The following SEPTIN11 variants were observed in gnomAD, a reference collection of about 807,000 sequenced individuals.
The protein encoded by SEPTIN11 is septin-11.
SEPTIN11 carries 25 observed loss-of-function variants against 51.4 expected under a neutral mutation model. The ratio of observed to expected loss-of-function variants is 0.49; its 90% confidence interval spans 0.35 to 0.68. The LOEUF (loss-of-function observed/expected upper bound fraction) is 0.68, where lower values mean the gene tolerates loss of function less well. Ranked by LOEUF, SEPTIN11 falls within the 30% of genes least tolerant of loss-of-function variation. The probability of loss-of-function intolerance (pLI) is 0.00; values close to 1 mark genes in which losing one functional copy is unlikely to be tolerated. For missense variants in SEPTIN11, 381 were observed against 520.8 expected, an observed-to-expected ratio of 0.73 and a Z score of 2.61; for synonymous variants, 174 against 184.1, an observed-to-expected ratio of 0.95 and a Z score of 0.44.
Position 77,020,561 on chromosome 4 carries a change from A to G in SEPTIN11, c.844A>G (p.Met282Val). Residue 282 changes from methionine to valine, a missense_variant, in exon 7 of 10, where the codon ATG becomes GTG. This residue lies in a region of SEPTIN11 where 197 missense variants were observed against 313.1 expected (regional missense o/e 0.63). Transcript: ENST00000264893. ...KLREMLIRVN[M>V]EDLREQTHTR... is the part of the protein sequence containing the mutation. ...TCGAGAGATGCTGATCCGCGTGAAC[A>G]TGGAGGACTTGCGAGAGCAGACTCA... The G allele has an allele frequency of 6.2e-7, 1 of 1,614,044 alleles. No individual in the cohort carries two copies. The highest frequency in any genetic ancestry group is 1.1e-5 in the South Asian group (1 of 91,074).
chr4:76,969,582 T>C (rs1399136210), intron 1 of SEPTIN11, among the ~76,000 whole-genome samples: 1 of 152,178 alleles, frequency 6.6e-6, no homozygotes, highest in Admixed American at 6.5e-5. Context: ...TTAATAAATG[T>C]ATCCATGCGA....
In SEPTIN11 at chr4:77,011,870, A is replaced by G; in HGVS notation, c.474A>G (p.Gly158=). The G allele has an allele frequency of 6.2e-7, 1 of 1,614,142 alleles. No homozygotes were observed. The highest frequency in any genetic ancestry group is 1.3e-5 in the African/African-American group (1 of 75,030). ...HACLYFIAPT[G]HSLKSLDLVT... is the part of the protein sequence containing the mutation. ...GCCTCTACTTTATTGCCCCTACTGG[A>G]CATTCACTAAAGTCCCTGGATCTGG... The change falls in exon 4 of 10, where the codon GGA becomes GGG. Residue 158 remains glycine (G), a synonymous_variant. Coordinates refer to ENST00000264893, the MANE Select transcript of SEPTIN11 (RefSeq NM_018243.4).
chr4:77,036,936 G>A lies in SEPTIN11; in HGVS notation c.*2424G>A, dbSNP rs1048477299. On this transcript the variant is annotated 3_prime_UTR_variant, in exon 10 of 10. Transcript: ENST00000264893. ...GATTTTTTTTTTCTTTTCAAGGGGG[G>A]CAGGAAGGTAATGGTTTGAGTAGCC... The A allele has an allele frequency of 1.5e-6, 2 of 1,320,100 alleles. No individual in the cohort carries two copies. The highest frequency in any genetic ancestry group is 3.7e-5 in the Admixed American group (1 of 27,344). 81.8% of individuals were successfully genotyped at this position (1,320,100 alleles called of 1,614,324 possible). A position where few individuals can be genotyped will look rare whatever the true frequency, so the allele number is the denominator to read the frequency against.
intron 7 of SEPTIN11, among the ~76,000 whole-genome samples, chr4:77,027,912 T>G (rs995095197): frequency 6.6e-6 from 1 of 152,108 alleles, no homozygotes; most frequent in African/African-American, 2.4e-5. Context: ...AGGATAGAAT[T>G]GAAAATAAAA....
chr4:77,014,964 T>G lies in SEPTIN11; in HGVS notation c.634T>G (p.Tyr212Asp), dbSNP rs780964001. The change falls in exon 5 of 10, where the codon TAT (tyrosine) becomes GAT (aspartate). Residue 212 changes from tyrosine to aspartate, a missense_variant. Coordinates refer to ENST00000264893, the MANE Select transcript of SEPTIN11 (RefSeq NM_018243.4). Reference protein sequence around the residue: ...SELVSNGVQIYQFPTDEETVA... With the variant: ...SELVSNGVQIDQFPTDEETVA... ...ACTGGTCAGCAATGGGGTCCAGATA[T>G]ATCAGTTTCCCACTGATGAAGAAAC... 6.2e-7 allele frequency: 1 copy of G among 1,614,144 alleles called. No homozygotes were observed. The highest frequency in any genetic ancestry group is 1.1e-5 in the South Asian group (1 of 91,078).
At chr4:76,962,256 A>G (rs1179386801) in intron 1 of SEPTIN11, among the ~76,000 whole-genome samples, 3 of 152,216 alleles carry the variant, frequency 2.0e-5, no homozygotes, top group African/African-American at 7.2e-5. Context: ...TATTATGATG[A>G]AAAAGCCTTG....
At chr4:76,979,848 CAA>C (rs111689525) in intron 1 of SEPTIN11, among the ~76,000 whole-genome samples, 23 of 124,098 alleles carry the variant, frequency 1.9e-4, no homozygotes, top group Admixed American at 3.3e-4. Flanking sequence ...AACTCCATGT[CAA>C]AAAAAAAAAA....
At chr4:76,954,654 T>A (rs1332290519) in intron 1 of SEPTIN11, among the ~76,000 whole-genome samples, 2 of 152,226 alleles carry the variant, frequency 1.3e-5, no homozygotes, top group Admixed American at 1.3e-4. Flanking sequence ...AAATTCACAT[T>A]GTTCCAGGCT....
chr4:76,988,996 G>A (rs1404042596), intron 1 of SEPTIN11, among the ~76,000 whole-genome samples: 1 of 152,136 alleles, frequency 6.6e-6, no homozygotes, highest in African/African-American at 2.4e-5. Flanking sequence ...TTTTCACCCT[G>A]TGTTGGCTTT....
In SEPTIN11 at chr4:77,036,788, G is replaced by A. The variant is rs895497544; in HGVS notation, c.*2276G>A. ...TTCACAGTAGTCCTTGGCTCTGCAC[G>A]GAATAAATGATACCCTCAAATCTAA... On this transcript the variant is annotated 3_prime_UTR_variant, in exon 10 of 10. Transcript: ENST00000264893. The A allele has an allele frequency of 6.3e-5, 96 of 1,532,066 alleles. No homozygotes were observed. The East Asian group carries it at 1.5e-3, about 23-fold the overall frequency. The allele number at this position is 1,532,066 out of a possible 1,614,324, so 94.9% of individuals were successfully genotyped here. A position where few individuals can be genotyped will look rare whatever the true frequency, so the allele number is the denominator to read the frequency against.
chr4:76,999,951 G>A (rs1252785237), intron 2 of SEPTIN11, among the ~76,000 whole-genome samples: 1 of 152,134 alleles, frequency 6.6e-6, no homozygotes, highest in East Asian at 1.9e-4. Flanking sequence ...TAATTCTCCA[G>A]AGAATCTAAA....
rs567306923 is a variant in SEPTIN11 at position 76,980,471 on chromosome 4, T to C, written c.28-15954T>C. ...ATTGCTGCCAAGCCTTGTTTCCTTA[T>C]ATCGGTGGCTGCAGCTGCCACATTG... is the stretch of plus-strand genomic sequence containing the variant. On this transcript the variant is annotated intron_variant, in intron 1 of 9. Transcript: ENST00000264893. Among the ~76,000 whole-genome samples the C allele has an allele frequency of 8.5e-5, 13 of 152,332 alleles. 1 individual carries two copies. In the South Asian group the frequency reaches 2.7e-3, roughly 32 times the overall value.
At chr4:76,996,042 T>A in intron 1 of SEPTIN11, 1 of 1,040,076 alleles carries the variant, frequency 9.6e-7, no homozygotes, top group Admixed American at 2.5e-5. Flanking sequence ...TTTTTCACTA[T>A]GAGTTGACAG....
chr4:77,003,324 T>A (rs1724250691), intron 2 of SEPTIN11, among the ~76,000 whole-genome samples: 1 of 152,230 alleles, frequency 6.6e-6, no homozygotes, highest in Non-Finnish European at 1.5e-5. Flanking sequence ...AAGGATGGTC[T>A]TGCTTATAAG....
intron 1 of SEPTIN11, among the ~76,000 whole-genome samples, chr4:76,983,822 ACGTGGTGAAACCC>A (rs1722891881): frequency 6.6e-6 from 1 of 152,172 alleles, no homozygotes; most frequent in South Asian, 2.1e-4. Flanking sequence ...AGCCTGGCCA[ACGTGGTGAAACCC>A]CGTGTCTACT....
rs572306101 is a variant in SEPTIN11, at chr4:76,951,330, T to G, written c.27+1400T>G. Among the ~76,000 whole-genome samples, 8 of 152,368 alleles carry G rather than the reference T, an allele frequency of 5.3e-5. No homozygotes were observed. The South Asian group carries it at 1.0e-3, about 20-fold the overall frequency. On this transcript the variant is annotated intron_variant, in intron 1 of 9. Coordinates refer to ENST00000264893, the MANE Select transcript of SEPTIN11 (RefSeq NM_018243.4). ...GGTCATATCGAATCATGACTGTCTT[T>G]TAGGCCTTTTCAACTCTACGATTTA... is the stretch of plus-strand genomic sequence containing the variant.
chr4:76,957,911 A>C (rs750171636), intron 1 of SEPTIN11, among the ~76,000 whole-genome samples: 2 of 152,218 alleles, frequency 1.3e-5, no homozygotes, highest in African/African-American at 4.8e-5. Context: ...TTTTTAAAAA[A>C]AGTGACTGTC....
intron 7 of SEPTIN11, among the ~76,000 whole-genome samples, chr4:77,028,241 C>T (rs938439168): frequency 1.3e-5 from 2 of 152,184 alleles, no homozygotes; most frequent in Non-Finnish European, 2.9e-5. Context: ...TAGTATGGCC[C>T]AAATTCCAAT....
intron 1 of SEPTIN11, among the ~76,000 whole-genome samples, chr4:76,971,874 C>G (rs1722262445): frequency 6.6e-6 from 1 of 152,180 alleles, no homozygotes; most frequent in Non-Finnish European, 1.5e-5. Context: ...AAATGGTTGT[C>G]ACAGCTGCCC....
Sources: gnomAD v4.1 joint callset for allele counts (sites outside exome capture counted in the v4.1 genomes callset) on GRCh38, gnomAD v4.1.1 for gene constraint, gnomAD v4.1.1 regional missense constraint, MANE v1.5 for transcripts, NCBI Gene and HGNC (gene_info 2026-07-23, HGNC 2026-07-21) for gene names.